The following TMEM135 variants were observed in gnomAD, a reference collection of about 807,000 sequenced individuals.
TMEM135 encodes peroxisomal membrane protein 52.
TMEM135 carries 30 observed loss-of-function variants against 60.3 expected under a neutral mutation model. The observed-to-expected ratio is 0.50, with a 90% confidence interval of 0.37 to 0.68. TMEM135 has a LOEUF of 0.68. Ranked by LOEUF, TMEM135 falls within the 30% of genes least tolerant of loss-of-function variation. The pLI, the probability that TMEM135 is intolerant of heterozygous loss-of-function variation, is 0.00. For synonymous variants in TMEM135, 190 were observed against 186.7 expected (o/e 1.02, Z -0.14); for missense variants, 468 against 548.8 (o/e 0.85, Z 1.47).
chr11:87,277,150 GA>G (rs1217131436), intron 6 of TMEM135: 1 of 167,914 alleles, frequency 6.0e-6, no homozygotes, highest in Non-Finnish European at 1.3e-5. Context: ...AGATTTTTTT[GA>G]GACCGAGTCT....
chr11:87,098,032 C>T (rs1191503750), intron 4 of TMEM135, among the ~76,000 whole-genome samples: 1 of 152,122 alleles, frequency 6.6e-6, no homozygotes, highest in Non-Finnish European at 1.5e-5. Flanking sequence ...GTGTTTTATA[C>T]ATTGCTGTAT....
intron 7 of TMEM135, among the ~76,000 whole-genome samples, chr11:87,296,529 G>A (rs1022764727): frequency 2.0e-5 from 3 of 152,116 alleles, no homozygotes; most frequent in African/African-American, 7.2e-5. Flanking sequence ...AGGACATATA[G>A]TAGATGCTTG....
intron 6 of TMEM135, among the ~76,000 whole-genome samples, chr11:87,245,552 G>A (rs1377289337): frequency 5.5e-5 from 8 of 144,248 alleles, no homozygotes; most frequent in Middle Eastern, 3.5e-3. Context: ...GGGTGCATAT[G>A]TATTTAGGAT....
At chr11:87,236,585 A>AT in intron 5 of TMEM135, 53 bp from the exon 6 acceptor site, 1 of 1,539,044 alleles carries the variant, frequency 6.5e-7, no homozygotes, top group Non-Finnish European at 9.0e-7. Context: ...TGAGTCACTC[A>AT]AATGGTGATG....
chr11:87,207,496 A>G (rs1467488179), intron 5 of TMEM135, among the ~76,000 whole-genome samples: 1 of 152,132 alleles, frequency 6.6e-6, no homozygotes, highest in Admixed American at 6.5e-5. Flanking sequence ...ATTAAGCAAC[A>G]TTGTTTACTT....
At chr11:87,242,300 C>A (rs536368151) in intron 6 of TMEM135, among the ~76,000 whole-genome samples, 3 of 151,742 alleles carry the variant, frequency 2.0e-5, no homozygotes, top group East Asian at 3.9e-4. Flanking sequence ...TGAATAGTGC[C>A]GCAATAAACA....
At chr11:87,224,907 A>C (rs1170860787) in intron 5 of TMEM135, among the ~76,000 whole-genome samples, 1 of 152,020 alleles carries the variant, frequency 6.6e-6, no homozygotes, top group Non-Finnish European at 1.5e-5. Flanking sequence ...TAAACAAGTG[A>C]GGTTTTAGTT....
intron 5 of TMEM135, among the ~76,000 whole-genome samples, chr11:87,166,573 A>G (rs1939054561): frequency 2.0e-5 from 3 of 151,768 alleles, no homozygotes. Flanking sequence ...TCCTTTTCCC[A>G]TTGCTTGCTT....
chr11:87,264,257 CTTTT>C lies in TMEM135; in HGVS notation c.509+27577_509+27580del, dbSNP rs1402140518. ...TGTCTATGTTTCAGTCTCTCTCTCT[CTTTT>C]TTTCTCCTCTCCTCCCCAATCTCAC... is the stretch of plus-strand genomic sequence containing the variant. On this transcript the variant is annotated intron_variant, in intron 6 of 14. Transcript: ENST00000305494. Among the ~76,000 whole-genome samples the C allele has an allele frequency of 9.3e-5, 6 of 64,482 alleles. No homozygotes were observed. In the East Asian group the frequency reaches 1.4e-3, roughly 15 times the overall value. 42.3% of individuals were successfully genotyped at this position (64,482 alleles called of 152,430 possible).
intron 7 of TMEM135, among the ~76,000 whole-genome samples, chr11:87,301,769 C>T (rs572080049): frequency 7.2e-5 from 11 of 152,144 alleles, no homozygotes; most frequent in East Asian, 3.9e-4. Flanking sequence ...TTCCATTCAT[C>T]GTCTTTGGAA....
At chr11:87,072,567 G>A (rs1041676076) in intron 3 of TMEM135, among the ~76,000 whole-genome samples, 1 of 151,966 alleles carries the variant, frequency 6.6e-6, no homozygotes, top group African/African-American at 2.4e-5. Flanking sequence ...TTTTTTAGTA[G>A]AGACAAGGTT....
chr11:87,168,331 T>G (rs1321790879), intron 5 of TMEM135, among the ~76,000 whole-genome samples: 1 of 152,130 alleles, frequency 6.6e-6, no homozygotes, highest in African/African-American at 2.4e-5. Context: ...CTTAGTTGTT[T>G]CTTGTCTTCT....
intron 6 of TMEM135, among the ~76,000 whole-genome samples, chr11:87,271,016 C>T (rs1591157427): frequency 6.6e-6 from 1 of 151,878 alleles, no homozygotes; most frequent in East Asian, 1.9e-4. Flanking sequence ...GAAGGAACAC[C>T]CGAATAAATC....
chr11:87,207,844 A>G (rs768384587), intron 5 of TMEM135, among the ~76,000 whole-genome samples: 1 of 152,184 alleles, frequency 6.6e-6, no homozygotes, highest in Non-Finnish European at 1.5e-5. Flanking sequence ...TCTTGCCAGT[A>G]GTCTGGGAGC....
chr11:87,100,023 C>G (rs369470835), intron 4 of TMEM135, among the ~76,000 whole-genome samples: 1 of 151,996 alleles, frequency 6.6e-6, no homozygotes, highest in Non-Finnish European at 1.5e-5. Context: ...GTGGCTGTAT[C>G]GTTTTGTTAG....
At chr11:87,038,332 G>C in intron 1 of TMEM135, 146 bp downstream of exon 1, 1 of 823,820 alleles carries the variant, frequency 1.2e-6, no homozygotes, top group Non-Finnish European at 1.9e-6. Flanking sequence ...GGGGTCGGTA[G>C]GGGGAAGGGG....
intron 6 of TMEM135, among the ~76,000 whole-genome samples, chr11:87,248,020 T>TA (rs937741409): frequency 3.3e-3 from 67 of 20,244 alleles, no homozygotes; most frequent in South Asian, 6.8e-3. Context: ...ATAGCCTTTT[T>TA]AAAAAAAAAA....
intron 5 of TMEM135, among the ~76,000 whole-genome samples, chr11:87,177,745 A>G (rs1310258960): frequency 1.3e-5 from 2 of 152,132 alleles, no homozygotes; most frequent in Non-Finnish European, 2.9e-5. Flanking sequence ...ATCAATTAGT[A>G]TCAGACTCCA....
chr11:87,269,152 T>C (rs1034403879), intron 6 of TMEM135, among the ~76,000 whole-genome samples: 2 of 151,676 alleles, frequency 1.3e-5, no homozygotes, highest in Non-Finnish European at 2.9e-5. Flanking sequence ...TTATAGTCTT[T>C]TAATTAATAA....
Sources: allele counts gnomAD v4.1 joint callset (sites outside exome capture counted in the v4.1 genomes callset), GRCh38; gene constraint gnomAD v4.1.1; transcripts MANE v1.5; gene names NCBI Gene and HGNC (gene_info 2026-07-23, HGNC 2026-07-21).